SESTD1: variants seen among roughly 807,000 people sequenced by gnomAD.
SESTD1 encodes SEC14 domain and spectrin repeat-containing protein 1.
SESTD1 carries 43 observed loss-of-function variants against 101.7 expected under a neutral mutation model. The observed-to-expected ratio is 0.42, with a 90% CI of 0.33 to 0.55. The LOEUF (loss-of-function observed/expected upper bound fraction) is 0.55, where lower values mean the gene tolerates loss of function less well. SESTD1 is among the 20% of genes least tolerant of loss of function. The pLI is 0.07. For missense variants in SESTD1, 647 were observed against 815.1 expected (o/e 0.79, Z 2.51); for synonymous variants, 283 against 286.8 (o/e 0.99, Z 0.13).
At chr2:179,189,150 G>T (rs916477559) in intron 2 of SESTD1, among the ~76,000 whole-genome samples, 4 of 152,116 alleles carry the variant, frequency 2.6e-5, no homozygotes, top group African/African-American at 9.7e-5. Flanking sequence ...CAATATCCCT[G>T]ATGAACAGAG....
intron 6 of SESTD1, among the ~76,000 whole-genome samples, chr2:179,151,022 C>T (rs1205383025): frequency 1.3e-5 from 2 of 152,070 alleles, no homozygotes; most frequent in African/African-American, 4.8e-5. Context: ...TTACTATCAC[C>T]ATATTACAGA....
At chr2:179,114,924 T>C (rs2044594293) in intron 16 of SESTD1, 141 bp downstream of exon 16, 2 of 730,720 alleles carry the variant, frequency 2.7e-6, no homozygotes, top group South Asian at 4.0e-5. Flanking sequence ...CAATGTATTA[T>C]ATCTAAACAA....
Position 179,246,127 on chromosome 2 carries a change from C to T in SESTD1, c.-26+18372G>A, listed in dbSNP as rs192441076. On this transcript the variant is annotated intron_variant, in intron 1 of 17. Coordinates refer to ENST00000428443, the MANE Select transcript of SESTD1 (RefSeq NM_178123.5). ...AAAATTAGCTGGGTGTGGTGGCGTGCGCCTGTAATCCCAGATACTCAGGAG... is the reference window on the plus strand; with the variant it reads ...AAAATTAGCTGGGTGTGGTGGCGTGTGCCTGTAATCCCAGATACTCAGGAG... Among the ~76,000 whole-genome samples the T allele has an allele frequency of 2.2e-3, 338 of 151,792 alleles. 6 individuals are homozygous for T. Among genetic ancestry groups the T allele is most frequent in the African/African-American group, 7.7e-3 (317 of 41,424 alleles).
At chr2:179,200,614 G>A (rs577579801) in intron 1 of SESTD1, among the ~76,000 whole-genome samples, 116 of 151,934 alleles carry the variant, frequency 7.6e-4, no homozygotes, top group Non-Finnish European at 1.3e-3. Flanking sequence ...CAGAAATAAC[G>A]CTGGATATCT....
chr2:179,169,688 A>G (rs1287700183), intron 5 of SESTD1, among the ~76,000 whole-genome samples: 1 of 152,120 alleles, frequency 6.6e-6, no homozygotes, highest in Non-Finnish European at 1.5e-5. Context: ...TAAACTTAAA[A>G]TGACTGAAGT....
intron 1 of SESTD1, among the ~76,000 whole-genome samples, chr2:179,255,180 T>C (rs1482974072): frequency 6.6e-6 from 1 of 152,194 alleles, no homozygotes; most frequent in Non-Finnish European, 1.5e-5. Flanking sequence ...CAATCAATAA[T>C]CCTACAATGG....
At chr2:179,125,267 C>T (rs1380378354) in intron 10 of SESTD1, among the ~76,000 whole-genome samples, 1 of 152,166 alleles carries the variant, frequency 6.6e-6, no homozygotes, top group African/African-American at 2.4e-5. Context: ...AGGCTCACAC[C>T]TACAATCCCA....
chr2:179,176,168 C>T (rs2046009122), intron 4 of SESTD1, among the ~76,000 whole-genome samples: 1 of 152,162 alleles, frequency 6.6e-6, no homozygotes, highest in Non-Finnish European at 1.5e-5. Flanking sequence ...TCAATGCTCA[C>T]ACATTTAAAA....
Position 179,109,857 on chromosome 2 carries a change from T to C in SESTD1, c.*42A>G. On this transcript the variant is annotated 3_prime_UTR_variant, in exon 18 of 18. Coordinates refer to ENST00000428443, the MANE Select transcript of SESTD1 (RefSeq NM_178123.5). Reference sequence around the variant, plus strand: ...CTAATGCTGTAGTATGTTGACAACATGCGGGATTATGAACTGCAAATCTGT... The same window carrying C: ...CTAATGCTGTAGTATGTTGACAACACGCGGGATTATGAACTGCAAATCTGT... 1 of 1,607,518 alleles carries C rather than the reference T, an allele frequency of 6.2e-7. No individual in the cohort carries two copies. Among genetic ancestry groups the C allele is most frequent in the Middle Eastern group, 1.7e-4 (1 of 6,006 alleles).
In SESTD1 at chr2:179,104,879, T is replaced by C. The variant is rs2044346259; in HGVS notation, c.*5020A>G. 6.6e-6 allele frequency: 1 copy of C among 152,178 alleles called. No homozygotes were observed. The highest frequency in any genetic ancestry group is 2.1e-4 in the South Asian group (1 of 4,830). 9.4% of individuals were successfully genotyped at this position (152,178 alleles called of 1,614,324 possible). On this transcript the variant is annotated 3_prime_UTR_variant, in exon 18 of 18. Transcript: ENST00000428443. ...TTTGATCTCTAAGTTCTTCATGTTC[T>C]AGTACAGGTTCTGCTTTTTCTTGAA... is the stretch of plus-strand genomic sequence containing the variant.
At chr2:179,123,432 A>C (rs968850021) in intron 12 of SESTD1, among the ~76,000 whole-genome samples, 1 of 152,218 alleles carries the variant, frequency 6.6e-6, no homozygotes, top group African/African-American at 2.4e-5. Context: ...ACTACAAATA[A>C]TTGTTCATAG....
Position 179,163,581 on chromosome 2 carries a change from GA to G in SESTD1, c.369+8538del, listed in dbSNP as rs933655871. Among the ~76,000 whole-genome samples the G allele has an allele frequency of 1.2e-3, 167 of 139,328 alleles. 1 individual carries two copies. Among genetic ancestry groups the G allele is most frequent in the African/African-American group, 4.1e-3 (143 of 35,138 alleles). 91.4% of individuals were successfully genotyped at this position (139,328 alleles called of 152,430 possible). A position where few individuals can be genotyped will look rare whatever the true frequency, so the allele number is the denominator to read the frequency against. On this transcript the variant is annotated intron_variant, in intron 5 of 17. Transcript: ENST00000428443. ...ATATTATATATATATATAAAAGAAGGAAAAAAAAAAGATCACTACCCTGCAC... is the reference window on the plus strand; with the variant it reads ...ATATTATATATATATATAAAAGAAGGAAAAAAAAAGATCACTACCCTGCAC...
intron 13 of SESTD1, 75 bp from the exon 14 acceptor site, chr2:179,117,688 C>G: frequency 8.2e-7 from 1 of 1,219,692 alleles, no homozygotes; most frequent in South Asian, 1.7e-5. Context: ...TCATTTGGTA[C>G]ATGTATTTTA....
intron 7 of SESTD1, 71 bp downstream of exon 7, chr2:179,149,226 C>T (rs1473244729): frequency 9.3e-7 from 1 of 1,079,566 alleles, no homozygotes; most frequent in African/African-American, 1.6e-5. Flanking sequence ...CTTGCATTAA[C>T]AATAGAGATA....
At chr2:179,116,892 C>T (rs970502656) in intron 14 of SESTD1, 102 bp from the exon 15 acceptor site, 10 of 1,427,094 alleles carry the variant, frequency 7.0e-6, no homozygotes, top group African/African-American at 5.8e-5. Flanking sequence ...TTAATAAATC[C>T]GTTAATTATA....
At chr2:179,181,464 A>AT (rs1216994502) in intron 3 of SESTD1, among the ~76,000 whole-genome samples, 1 of 152,180 alleles carries the variant, frequency 6.6e-6, no homozygotes, top group African/African-American at 2.4e-5. Context: ...ACCCTCAGGC[A>AT]TTTTTCAAGA....
intron 5 of SESTD1, among the ~76,000 whole-genome samples, chr2:179,162,758 C>T (rs1244744869): frequency 6.7e-6 from 1 of 149,916 alleles, no homozygotes; most frequent in Non-Finnish European, 1.5e-5. Flanking sequence ...GAGGCCGAGG[C>T]AGGTGGATCA....
intron 4 of SESTD1, 24 bp downstream of exon 4, chr2:179,176,423 TC>T: frequency 6.4e-7 from 1 of 1,573,288 alleles, no homozygotes; most frequent in Non-Finnish European, 8.7e-7. Context: ...AAAAACCATT[TC>T]CTGATAGACA....
At chr2:179,240,291 G>A (rs1398068325) in intron 1 of SESTD1, among the ~76,000 whole-genome samples, 2 of 152,172 alleles carry the variant, frequency 1.3e-5, no homozygotes, top group Non-Finnish European at 2.9e-5. Flanking sequence ...AGAGTCACTG[G>A]AGGTTTTCTA....
Sources: gnomAD v4.1 joint callset for allele counts (sites outside exome capture counted in the v4.1 genomes callset) on GRCh38, gnomAD v4.1.1 for gene constraint, MANE v1.5 for transcripts, NCBI Gene and HGNC (gene_info 2026-07-23, HGNC 2026-07-21) for gene names.